Variants in SIRPA observed in about 807,000 individuals in gnomAD.
SIRPA encodes signal regulatory protein alpha.
Under a neutral mutation model 50.3 loss-of-function variants are expected in SIRPA, and 9 were observed. The ratio of observed to expected loss-of-function variants is 0.18; its 90% CI spans 0.11 to 0.31. The LOEUF (loss-of-function observed/expected upper bound fraction) is 0.31. Ranked by LOEUF, SIRPA falls within the 10% of genes least tolerant of loss-of-function variation. The pLI is 1.00. For missense variants in SIRPA, 474 were observed against 661.6 expected, an observed-to-expected ratio of 0.72 and a Z score of 3.11; for synonymous variants, 265 against 284.1, an observed-to-expected ratio of 0.93 and a Z score of 0.68.
Position 1,895,535 on chromosome 20 carries a change from C to A in SIRPA, c.79+9C>A, listed in dbSNP as rs1246841507. ...GTCCTGCGCCTGGTCAGGTAAGCAC[C>A]CCCCCGCTCCCCACCGCTGCACTCC... On this transcript the variant is annotated intron_variant, in intron 1 of 7. Transcript: ENST00000358771. 5.6e-6 allele frequency: 8 copies of A among 1,441,058 alleles called. No individual in the cohort carries two copies. The highest frequency in any genetic ancestry group is 6.4e-6 in the Non-Finnish European group (7 of 1,098,408). The allele number at this position is 1,441,058 out of a possible 1,614,324, so 89.3% of individuals were successfully genotyped here.
At chr20:1,916,381 G>A (rs1985297685) in intron 2 of SIRPA, among the ~76,000 whole-genome samples, 1 of 152,208 alleles carries the variant, frequency 6.6e-6, no homozygotes, top group Non-Finnish European at 1.5e-5. Flanking sequence ...CATAGGCCCA[G>A]TTAGTGACAG....
In SIRPA at chr20:1,933,121, C is replaced by T. The variant is rs1037615510; in HGVS notation, c.1227-1594C>T. Reference sequence around the variant, plus strand: ...ATGCAAAGGCCCTGGGGCAGCCTGACTGGCATTCATTCCAAGTCACTGTTT... The same window carrying T: ...ATGCAAAGGCCCTGGGGCAGCCTGATTGGCATTCATTCCAAGTCACTGTTT... On this transcript the variant is annotated intron_variant, in intron 6 of 7. Coordinates refer to ENST00000358771, the MANE Select transcript of SIRPA (RefSeq NM_001040023.2). This position sits in a 1 kb window ranked among gnomAD's most constrained non-coding sequence, Gnocchi z 4.4. Among the ~76,000 whole-genome samples, 1 of 152,204 alleles carries T rather than the reference C, an allele frequency of 6.6e-6. No individual in the cohort carries two copies. Among genetic ancestry groups the T allele is most frequent in the Non-Finnish European group, 1.5e-5 (1 of 68,028 alleles).
Position 1,898,507 on chromosome 20 carries a change from C to T in SIRPA, c.79+2981C>T, listed in dbSNP as rs1034055012. ...TCCAGGCCGGATGCTGCTCCTGCGT[C>T]GTCTCACCCGCAAGACATGGATTGG... On this transcript the variant is annotated intron_variant, in intron 1 of 7. Coordinates refer to ENST00000358771, the MANE Select transcript of SIRPA (RefSeq NM_001040023.2). This position sits in a 1 kb window ranked among gnomAD's most constrained non-coding sequence, Gnocchi z 4.3. Among the ~76,000 whole-genome samples the T allele has an allele frequency of 2.0e-5, 3 of 152,106 alleles. No individual in the cohort carries two copies. Among genetic ancestry groups the T allele is most frequent in the South Asian group, 2.1e-4 (1 of 4,832 alleles).
chr20:1,933,129 C>T lies in SIRPA; in HGVS notation c.1227-1586C>T, dbSNP rs1213096005. On this transcript the variant is annotated intron_variant, in intron 6 of 7. Coordinates refer to ENST00000358771, the MANE Select transcript of SIRPA (RefSeq NM_001040023.2). The surrounding 1 kb of genome is among the most constrained non-coding windows in gnomAD (Gnocchi z 4.4). ...GCCCTGGGGCAGCCTGACTGGCATTCATTCCAAGTCACTGTTTTTGAGCAC... is the reference window on the plus strand; with the variant it reads ...GCCCTGGGGCAGCCTGACTGGCATTTATTCCAAGTCACTGTTTTTGAGCAC... Among the ~76,000 whole-genome samples the T allele has an allele frequency of 6.6e-6, 1 of 152,192 alleles. No homozygotes were observed. The highest frequency in any genetic ancestry group is 1.5e-5 in the Non-Finnish European group (1 of 68,032).
rs908408530 is a variant in SIRPA, at chr20:1,898,661, A to G, written c.79+3135A>G. 6.6e-6 allele frequency among the ~76,000 whole-genome samples: 1 copy of G among 152,060 alleles called. No homozygotes were observed. The highest frequency in any genetic ancestry group is 2.4e-5 in the African/African-American group (1 of 41,414). On this transcript the variant is annotated intron_variant, in intron 1 of 7. Transcript: ENST00000358771. This position sits in a 1 kb window ranked among gnomAD's most constrained non-coding sequence, Gnocchi z 4.3. ...TGGGTGGCTTCTAGGGAAGAAGCTC[A>G]ATGACTTAATCAGGATGATTTAGTC...
chr20:1,934,862 A>C lies in SIRPA; in HGVS notation c.1266+108A>C, dbSNP rs1986487336. On this transcript the variant is annotated intron_variant, in intron 7 of 7. Coordinates refer to ENST00000358771, the MANE Select transcript of SIRPA (RefSeq NM_001040023.2). The surrounding 1 kb of genome is among the most constrained non-coding windows in gnomAD (Gnocchi z 4.6). ...TAAATTAAGACTCCTTGTGGGGTGG[A>C]GGGTGGAGGATCTTACACTCCTAGC... 8.2e-7 allele frequency: 1 copy of C among 1,214,680 alleles called. No individual in the cohort carries two copies. Among genetic ancestry groups the C allele is most frequent in the Non-Finnish European group, 1.2e-6 (1 of 819,960 alleles). 75.2% of individuals were successfully genotyped at this position (1,214,680 alleles called of 1,614,324 possible). A position where few individuals can be genotyped will look rare whatever the true frequency, so the allele number is the denominator to read the frequency against.
intron 1 of SIRPA, among the ~76,000 whole-genome samples, chr20:1,907,184 A>G (rs1235814525): frequency 6.6e-6 from 1 of 152,102 alleles, no homozygotes; most frequent in African/African-American, 2.4e-5. Flanking sequence ...ACCCAGGGCA[A>G]GGGTGAAGGA....
intron 1 of SIRPA, among the ~76,000 whole-genome samples, chr20:1,905,556 T>C (rs555572095): frequency 4.6e-5 from 7 of 152,184 alleles, no homozygotes; most frequent in Non-Finnish European, 1.0e-4. Flanking sequence ...AGGGCAATGG[T>C]TGGGGCCTGG....
chr20:1,922,779 G>A (rs1985745554), intron 4 of SIRPA, 134 bp downstream of exon 4: 1 of 1,111,704 alleles, frequency 9.0e-7, no homozygotes, highest in East Asian at 2.6e-5. Context: ...GAATTTTAAT[G>A]TCAGCTCCAT....
rs6045511 is a variant in SIRPA at position 1,933,091 on chromosome 20, G to C, written c.1227-1624G>C. Among the ~76,000 whole-genome samples, 58,709 of 152,042 alleles carry C rather than the reference G, an allele frequency of 0.39. 11,792 individuals carry two copies. The highest frequency in any genetic ancestry group is 0.52 in the South Asian group (2,510 of 4,820). On this transcript the variant is annotated intron_variant, in intron 6 of 7. Coordinates refer to ENST00000358771, the MANE Select transcript of SIRPA (RefSeq NM_001040023.2). This position sits in a 1 kb window ranked among gnomAD's most constrained non-coding sequence, Gnocchi z 4.4. ...AAAGCAGATTAAGAGGCAGCAGCAT[G>C]GAGCATGCAAAGGCCCTGGGGCAGC...
intron 7 of SIRPA, among the ~76,000 whole-genome samples, chr20:1,935,419 G>A (rs951653543): frequency 5.3e-5 from 8 of 152,224 alleles, no homozygotes; most frequent in African/African-American, 1.7e-4. Flanking sequence ...ACGAGAGCGC[G>A]CCAGCTGTCC....
rs1169892156 is a variant in SIRPA, at chr20:1,934,855, G to C, written c.1266+101G>C. 3 of 1,295,484 alleles carry C rather than the reference G, an allele frequency of 2.3e-6. No homozygotes were observed. The highest frequency in any genetic ancestry group is 1.7e-5 in the Admixed American group (1 of 58,774). 80.2% of individuals were successfully genotyped at this position (1,295,484 alleles called of 1,614,324 possible). A position where few individuals can be genotyped will look rare whatever the true frequency, so the allele number is the denominator to read the frequency against. The stretch of plus-strand genomic sequence containing the variant: ...CTGGTTCTAAATTAAGACTCCTTGT[G>C]GGGTGGAGGGTGGAGGATCTTACAC... On this transcript the variant is annotated intron_variant, in intron 7 of 7. Coordinates refer to ENST00000358771, the MANE Select transcript of SIRPA (RefSeq NM_001040023.2). This position sits in a 1 kb window ranked among gnomAD's most constrained non-coding sequence, Gnocchi z 4.6.
Position 1,927,856 on chromosome 20 carries a change from T to C in SIRPA, c.1202-19T>C. On this transcript the variant is annotated intron_variant, in intron 5 of 7. Transcript: ENST00000358771. This position sits in a 1 kb window ranked among gnomAD's most constrained non-coding sequence, Gnocchi z 6.5. ...TGCTTCTAGTTAAACAACTGGCTTT[T>C]GTTTCTTTTGTCTTTCAGCCCAGGG... is the stretch of plus-strand genomic sequence containing the variant. The C allele has an allele frequency of 6.2e-7, 1 of 1,613,666 alleles. No homozygotes were observed.
rs528817130 is a variant in SIRPA, at chr20:1,912,669, C to T, written c.80-2430C>T. Among the ~76,000 whole-genome samples, 155 of 152,218 alleles carry T rather than the reference C, an allele frequency of 1.0e-3. 1 individual carries two copies. The highest frequency in any genetic ancestry group is 1.9e-3 in the Non-Finnish European group (127 of 68,038). On this transcript the variant is annotated intron_variant, in intron 1 of 7. Transcript: ENST00000358771. Reference sequence around the variant, plus strand: ...CCCAGCACCTATGCAGCAGGCATACCACCGTGTCAGGGTCCTCATGACTGT... The same window carrying T: ...CCCAGCACCTATGCAGCAGGCATACTACCGTGTCAGGGTCCTCATGACTGT...
intron 2 of SIRPA, 132 bp downstream of exon 2, chr20:1,915,587 A>G: frequency 1.8e-6 from 2 of 1,141,880 alleles, no homozygotes; most frequent in Non-Finnish European, 2.5e-6. Flanking sequence ...TCCCCCTTTT[A>G]CAAATAAGGG....
chr20:1,921,420 G>A lies in SIRPA; in HGVS notation c.462G>A (p.Ser154=), dbSNP rs759050202. 2.7e-5 allele frequency: 44 copies of A among 1,613,492 alleles called. No individual in the cohort carries two copies. Among genetic ancestry groups the A allele is most frequent in the East Asian group, 6.7e-5 (3 of 44,876 alleles). The change falls in exon 3 of 8, where the codon TCG becomes TCA. Residue 154 remains serine (S), a synonymous_variant. Coordinates refer to ENST00000358771, the MANE Select transcript of SIRPA (RefSeq NM_001040023.2). ...VRAKPSAPVV[S]GPAARATPQH... The stretch of plus-strand genomic sequence containing the variant: ...CCAAACCCTCTGCCCCCGTGGTATC[G>A]GGCCCTGCGGCGAGGGCCACACCTC...
intron 2 of SIRPA, among the ~76,000 whole-genome samples, chr20:1,917,803 T>C (rs1035162614): frequency 1.4e-4 from 22 of 152,096 alleles, no homozygotes; most frequent in African/African-American, 5.1e-4. Flanking sequence ...GAGTTTATAT[T>C]ATCCCCTCAG....
intron 1 of SIRPA, among the ~76,000 whole-genome samples, chr20:1,900,906 C>T (rs923788128): frequency 1.3e-4 from 20 of 152,192 alleles, no homozygotes; most frequent in African/African-American, 3.9e-4. Context: ...TCGTTATCTT[C>T]GGACCCGTTG....
upstream of SIRPA, among the ~76,000 whole-genome samples, chr20:1,895,100 CT>C (rs1246396192): frequency 1.3e-5 from 2 of 151,614 alleles, no homozygotes; most frequent in African/African-American, 4.8e-5. Flanking sequence ...CGCTCTCCCC[CT>C]CTTTCTCCCC....
Sources: gnomAD v4.1 joint callset for allele counts (sites outside exome capture counted in the v4.1 genomes callset) on GRCh38, gnomAD v4.1.1 for gene constraint, Gnocchi (gnomAD v3.1) non-coding constraint, MANE v1.5 for transcripts, NCBI Gene and HGNC (gene_info 2026-07-23, HGNC 2026-07-21) for gene names.